EYS: variants seen among roughly 807,000 people sequenced by gnomAD.
EYS encodes the protein protein eyes shut homolog.
EYS carries 250 observed loss-of-function variants against 282.1 expected under a neutral mutation model. The observed-to-expected ratio is 0.89, with a 90% CI of 0.80 to 0.98. EYS has a LOEUF of 0.98. EYS is among the 50% of genes least tolerant of loss of function. The pLI is 0.00. For synonymous variants in EYS, 1,355 were observed against 1,282.9 expected (o/e 1.06, Z -1.20); for missense variants, 4,016 against 3,709.0 (o/e 1.08, Z -2.15).
chr6:64,581,976 A>T (rs1766085025), intron 26 of EYS, among the ~76,000 whole-genome samples: 1 of 152,176 alleles, frequency 6.6e-6, no homozygotes, highest in African/African-American at 2.4e-5. Flanking sequence ...GATACTAAAA[A>T]CTTGGCCAGA....
At chr6:64,731,353 C>CA (rs1485323359) in intron 22 of EYS, among the ~76,000 whole-genome samples, 1 of 151,824 alleles carries the variant, frequency 6.6e-6, no homozygotes, top group Non-Finnish European at 1.5e-5. Flanking sequence ...AAACAAAAAA[C>CA]AAAAAACTAT....
intron 2 of EYS, among the ~76,000 whole-genome samples, chr6:65,498,843 A>G (rs1297725830): frequency 6.6e-6 from 1 of 152,036 alleles, no homozygotes; most frequent in Non-Finnish European, 1.5e-5. Context: ...TTATAAAGAC[A>G]TTCTTCAAAC....
chr6:63,745,092 GA>G (rs1219461047), intron 41 of EYS: 1 of 363,360 alleles, frequency 2.8e-6, no homozygotes, highest in Non-Finnish European at 5.3e-6. Context: ...TAGATAAGTA[GA>G]ATGATAAAGC....
chr6:63,856,395 A>T (rs1772392968), intron 36 of EYS, among the ~76,000 whole-genome samples: 1 of 152,192 alleles, frequency 6.6e-6, no homozygotes, highest in African/African-American at 2.4e-5. Context: ...GAATTCTGTG[A>T]GGTTGCTAAA....
At chr6:65,561,342 C>T (rs2127345328) in intron 2 of EYS, among the ~76,000 whole-genome samples, 1 of 152,280 alleles carries the variant, frequency 6.6e-6, no homozygotes, top group Non-Finnish European at 1.5e-5. Context: ...TTAATGCTCC[C>T]AATTAGCTGA....
At position 64,992,038 on chromosome 6, in the gene EYS, G is replaced by T. The variant is rs147358941; in HGVS notation, c.2259+5544C>A. On this transcript the variant is annotated intron_variant, in intron 14 of 42. Coordinates refer to ENST00000503581, the MANE Select transcript of EYS (RefSeq NM_001142800.2). ...ACAAGGCGTTATAAATTATCTAAAT[G>T]CCTGGACCCATCATCTGAATCAGAA... Among the ~76,000 whole-genome samples the T allele has an allele frequency of 7.0e-3, 1,055 of 151,786 alleles. 8 individuals are homozygous for T. The highest frequency in any genetic ancestry group is 0.012 in the South Asian group (58 of 4,828).
intron 22 of EYS, among the ~76,000 whole-genome samples, chr6:64,731,402 T>G (rs1449120695): frequency 6.6e-6 from 1 of 152,132 alleles, no homozygotes. Flanking sequence ...TGGGAAAACA[T>G]TTTTGCAATC....
At chr6:64,783,234 C>T (rs1402125435) in intron 22 of EYS, among the ~76,000 whole-genome samples, 2 of 151,958 alleles carry the variant, frequency 1.3e-5, no homozygotes, top group Non-Finnish European at 2.9e-5. Context: ...TCATTACTAG[C>T]TATTATTGTT....
At chr6:64,111,040 C>T (rs76875034) in intron 31 of EYS, among the ~76,000 whole-genome samples, 6,416 of 151,954 alleles carry the variant, frequency 0.042, 401 homozygotes, top group African/African-American at 0.14. Flanking sequence ...ATGGGAAGGA[C>T]TAGAGGAGTT....
intron 21 of EYS, among the ~76,000 whole-genome samples, chr6:64,818,810 G>T (rs890578614): frequency 2.0e-5 from 3 of 152,074 alleles, no homozygotes; most frequent in Admixed American, 6.6e-5. Context: ...GAGTGGGTCT[G>T]TCTTTCCCAG....
chr6:65,483,654 A>C (rs1765680867), intron 5 of EYS, among the ~76,000 whole-genome samples: 1 of 152,180 alleles, frequency 6.6e-6, no homozygotes. Context: ...CCCATAATAA[A>C]ATATTAGAAA....
intron 31 of EYS, among the ~76,000 whole-genome samples, chr6:64,179,250 A>G (rs1007379984): frequency 2.6e-5 from 4 of 152,104 alleles, no homozygotes; most frequent in Non-Finnish European, 5.9e-5. Context: ...AAGATAAAGT[A>G]CTTGCAGGCT....
intron 33 of EYS, among the ~76,000 whole-genome samples, chr6:64,017,535 C>T (rs1768953562): frequency 6.6e-6 from 1 of 152,304 alleles, no homozygotes; most frequent in Middle Eastern, 3.4e-3. Flanking sequence ...TCCCTGGTAG[C>T]CTCAGCTGTA....
chr6:64,791,058 T>C (rs1774175590), intron 22 of EYS, among the ~76,000 whole-genome samples: 1 of 151,920 alleles, frequency 6.6e-6, no homozygotes, highest in African/African-American at 2.4e-5. Context: ...TTCCTTCCTG[T>C]AGATAAAAGC....
chr6:64,628,151 T>G (rs565823943), intron 22 of EYS, among the ~76,000 whole-genome samples: 1 of 152,080 alleles, frequency 6.6e-6, no homozygotes, highest in Non-Finnish European at 1.5e-5. Context: ...ATGGATGGTC[T>G]GATTTTGTAC....
chr6:63,757,440 A>G (rs1425427119), intron 41 of EYS, among the ~76,000 whole-genome samples: 2 of 151,810 alleles, frequency 1.3e-5, no homozygotes, highest in African/African-American at 4.8e-5. Context: ...CTGAACATAG[A>G]CCCTTATCAG....
chr6:63,883,870 T>C (rs1377181088), intron 35 of EYS, among the ~76,000 whole-genome samples: 1 of 152,242 alleles, frequency 6.6e-6, no homozygotes, highest in East Asian at 1.9e-4. Context: ...AGTTTCAGCC[T>C]CAATGTTATT....
intron 12 of EYS, among the ~76,000 whole-genome samples, chr6:65,186,245 CTTT>C (rs1765514805): frequency 1.3e-5 from 2 of 151,700 alleles, no homozygotes; most frequent in African/African-American, 4.8e-5. Context: ...ATTTAATGTT[CTTT>C]AAGAAAATAT....
intron 26 of EYS, among the ~76,000 whole-genome samples, chr6:64,511,645 C>T (rs1412206060): frequency 6.6e-6 from 1 of 152,040 alleles, no homozygotes; most frequent in African/African-American, 2.4e-5. Flanking sequence ...GTTAGTCTCC[C>T]TGACTTTGCT....
Sources: allele counts gnomAD v4.1 joint callset (sites outside exome capture counted in the v4.1 genomes callset), GRCh38; gene constraint gnomAD v4.1.1; transcripts MANE v1.5; gene names NCBI Gene and HGNC (gene_info 2026-07-23, HGNC 2026-07-21).